Variants in DNAH12 observed in about 807,000 individuals in gnomAD.
DNAH12 encodes axonemal beta dynein heavy chain 12.
In DNAH12, 285 loss-of-function variants were observed where a neutral mutation model predicts 371.5. The observed-to-expected ratio is 0.77, with a 90% CI of 0.70 to 0.85. DNAH12 has a LOEUF of 0.85. DNAH12 is among the 40% of genes least tolerant of loss of function. The pLI, the probability that DNAH12 is intolerant of heterozygous loss-of-function variation, is 0.00. For missense variants in DNAH12, 3,611 were observed against 3,689.4 expected (o/e 0.98, Z 0.55); for synonymous variants, 1,200 against 1,213.0 (o/e 0.99, Z 0.22).
chr3:57,543,934 C>G (rs2153404435), intron 1 of DNAH12, among the ~76,000 whole-genome samples: 1 of 152,124 alleles, frequency 6.6e-6, no homozygotes, highest in East Asian at 2.0e-4. Context: ...GTAATCCCAG[C>G]TACTCAGGAG....
intron 29 of DNAH12, 31 bp downstream of exon 29, chr3:57,444,666 C>T: frequency 1.3e-6 from 2 of 1,543,600 alleles, no homozygotes; most frequent in South Asian, 1.2e-5. Flanking sequence ...ATTTATTATG[C>T]CGAATAAGTC....
At chr3:57,489,067 C>T (rs1559713748) in intron 12 of DNAH12, among the ~76,000 whole-genome samples, 1 of 152,240 alleles carries the variant, frequency 6.6e-6, no homozygotes, top group Admixed American at 6.5e-5. Context: ...ACATGACACA[C>T]TCAAGTAGCA....
chr3:57,318,425 C>CATTGT (rs977074859), intron 65 of DNAH12, among the ~76,000 whole-genome samples: 2 of 152,184 alleles, frequency 1.3e-5, no homozygotes, highest in African/African-American at 4.8e-5. Flanking sequence ...ATACTTCTCC[C>CATTGT]ATTGTATATT....
chr3:57,429,728 C>T lies in DNAH12; in HGVS notation c.5027G>A (p.Ser1676Asn). Residue 1676 changes from serine (S) to asparagine (N), a missense_variant, in exon 33 of 74, where the codon AGC becomes AAC. Transcript: ENST00000495027. ...AAGGTCCATTGTTTCAAAGATGAGG[C>T]TCATTTGGGGGGACATCTGAATGAT... Reference protein sequence around the residue: ...GEIIQMSPQMSLIFETMDLSQ... With the variant: ...GEIIQMSPQMNLIFETMDLSQ... The T allele has an allele frequency of 3.9e-6, 6 of 1,535,248 alleles. No individual in the cohort carries two copies. The highest frequency in any genetic ancestry group is 2.6e-6 in the Non-Finnish European group (3 of 1,141,186).
At chr3:57,514,316 C>T (rs28534417) in intron 4 of DNAH12, among the ~76,000 whole-genome samples, 13,219 of 151,390 alleles carry the variant, frequency 0.087, 1,958 homozygotes, top group African/African-American at 0.3. Flanking sequence ...ATCGCTTGAA[C>T]CCGGGAGGCA....
At chr3:57,367,999 A>G (rs1342734269) in intron 56 of DNAH12, 47 bp downstream of exon 56, 1 of 152,186 alleles carries the variant, frequency 6.6e-6, no homozygotes, top group African/African-American at 2.4e-5. Context: ...CTCCAAGATA[A>G]TTCAATCATC....
intron 39 of DNAH12, among the ~76,000 whole-genome samples, chr3:57,411,248 C>A (rs1464841628): frequency 6.6e-6 from 1 of 151,968 alleles, no homozygotes; most frequent in Non-Finnish European, 1.5e-5. Flanking sequence ...AACACCTGGG[C>A]CAGGCACAGT....
intron 11 of DNAH12, among the ~76,000 whole-genome samples, chr3:57,492,658 T>A (rs901386414): frequency 2.0e-5 from 3 of 152,098 alleles, no homozygotes; most frequent in Non-Finnish European, 4.4e-5. Context: ...CCAAAATTAT[T>A]ACAAAATTCT....
intron 60 of DNAH12, among the ~76,000 whole-genome samples, chr3:57,342,515 G>A (rs1227825169): frequency 3.6e-5 from 5 of 138,182 alleles, no homozygotes; most frequent in East Asian, 2.0e-4. Context: ...AAAATTAGCC[G>A]GGCATGGTGG....
intron 11 of DNAH12, among the ~76,000 whole-genome samples, chr3:57,499,648 A>AAAATATATG (rs71088082): frequency 4.7e-5 from 1 of 21,298 alleles, no homozygotes; most frequent in Non-Finnish European, 9.3e-5. Flanking sequence ...AAAAAAAAAA[A>AAAATATATG]TATATATATA....
At chr3:57,349,434 G>T (rs1451129148) in intron 60 of DNAH12, among the ~76,000 whole-genome samples, 1 of 152,170 alleles carries the variant, frequency 6.6e-6, no homozygotes, top group African/African-American at 2.4e-5. Flanking sequence ...GCTAAAAGTA[G>T]ATCTACTGTT....
chr3:57,520,453 T>A (rs143225911), intron 4 of DNAH12, among the ~76,000 whole-genome samples: 2 of 134,502 alleles, frequency 1.5e-5, no homozygotes, highest in East Asian at 2.0e-4. Flanking sequence ...TATTATTATT[T>A]TTTTTTTGAG....
chr3:57,401,662 A>G (rs993863370), intron 43 of DNAH12, among the ~76,000 whole-genome samples: 1 of 151,860 alleles, frequency 6.6e-6, no homozygotes, highest in Non-Finnish European at 1.5e-5. Flanking sequence ...GACTAAACCA[A>G]ACCCAAAGCT....
intron 45 of DNAH12, among the ~76,000 whole-genome samples, chr3:57,389,073 A>G (rs1265925252): frequency 1.3e-5 from 2 of 152,074 alleles, no homozygotes; most frequent in Non-Finnish European, 2.9e-5. Flanking sequence ...ATAAATTACA[A>G]CATTCTCTTT....
chr3:57,388,317 T>C (rs2153346012), intron 45 of DNAH12, among the ~76,000 whole-genome samples: 1 of 152,332 alleles, frequency 6.6e-6, no homozygotes, highest in South Asian at 2.1e-4. Context: ...TGAGTTTTCT[T>C]CTCAGCACTT....
At chr3:57,529,416 C>A (rs1285953533) in intron 2 of DNAH12, among the ~76,000 whole-genome samples, 1 of 152,088 alleles carries the variant, frequency 6.6e-6, no homozygotes, top group Non-Finnish European at 1.5e-5. Flanking sequence ...AATCTCATTA[C>A]GTTATTGGTC....
chr3:57,524,796 A>C (rs1189143571), intron 2 of DNAH12, among the ~76,000 whole-genome samples: 1 of 152,164 alleles, frequency 6.6e-6, no homozygotes, highest in Non-Finnish European at 1.5e-5. Flanking sequence ...GGAAAGGATC[A>C]AAGGGGGAAA....
intron 36 of DNAH12, 51 bp from the exon 37 acceptor site, chr3:57,419,569 C>CT: frequency 7.7e-7 from 1 of 1,296,518 alleles, no homozygotes; most frequent in Non-Finnish European, 1.0e-6. Context: ...CTTGCTGTAT[C>CT]TGAAAGGCTC....
intron 37 of DNAH12, among the ~76,000 whole-genome samples, chr3:57,417,286 G>C (rs1265107276): frequency 6.6e-6 from 1 of 151,990 alleles, no homozygotes; most frequent in African/African-American, 2.4e-5. Flanking sequence ...ACAAAGGCCA[G>C]CACTGAAACT....
Sources: allele counts gnomAD v4.1 joint callset (sites outside exome capture counted in the v4.1 genomes callset), GRCh38; gene constraint gnomAD v4.1.1; transcripts MANE v1.5; gene names NCBI Gene and HGNC (gene_info 2026-07-23, HGNC 2026-07-21).